The following PEX5L variants were observed in gnomAD, a reference collection of about 807,000 sequenced individuals.
PEX5L encodes PEX5-related protein.
A neutral mutation model predicts 84.0 loss-of-function variants in PEX5L; 30 were observed. The observed-to-expected ratio is 0.36, with a 90% CI of 0.27 to 0.48. The LOEUF is 0.48. PEX5L is among the 20% of genes least tolerant of loss of function. PEX5L has a pLI of 0.99. For synonymous variants in PEX5L, 270 were observed against 283.1 expected, an observed-to-expected ratio of 0.95 and a Z score of 0.46; for missense variants, 533 against 754.6, an observed-to-expected ratio of 0.71 and a Z score of 3.44.
intron 2 of PEX5L, among the ~76,000 whole-genome samples, chr3:179,929,011 C>A (rs1291912883): frequency 1.8e-4 from 27 of 152,162 alleles, no homozygotes; most frequent in Admixed American, 1.8e-3. Context: ...TCTTTTCTAA[C>A]TCTGTTAAGT....
chr3:179,827,215 T>C (rs2109055897), intron 8 of PEX5L, among the ~76,000 whole-genome samples: 1 of 152,240 alleles, frequency 6.6e-6, no homozygotes, highest in South Asian at 2.1e-4. Context: ...TAGAACACAA[T>C]GGGAATACCC....
intron 1 of PEX5L, among the ~76,000 whole-genome samples, chr3:179,976,468 C>T (rs1579198470): frequency 6.6e-6 from 1 of 151,940 alleles, no homozygotes; most frequent in Admixed American, 6.6e-5. Flanking sequence ...GAAGGAGTCT[C>T]GCTCTGTCGC....
At chr3:179,809,921 G>C (rs1299116691) in intron 11 of PEX5L, among the ~76,000 whole-genome samples, 2 of 150,290 alleles carry the variant, frequency 1.3e-5, no homozygotes, top group African/African-American at 4.9e-5. Context: ...AAACTATGTG[G>C]CTTATCCCTG....
chr3:180,025,101 G>T (rs1281096687), intron 1 of PEX5L, among the ~76,000 whole-genome samples: 1 of 152,104 alleles, frequency 6.6e-6, no homozygotes, highest in African/African-American at 2.4e-5. Flanking sequence ...AATTACAGTG[G>T]CAATCTAATT....
chr3:179,982,016 G>A (rs1397431921), intron 1 of PEX5L, among the ~76,000 whole-genome samples: 1 of 152,176 alleles, frequency 6.6e-6, no homozygotes, highest in East Asian at 1.9e-4. Flanking sequence ...AACCTAATGT[G>A]TTTTTAAGAG....
intron 1 of PEX5L, among the ~76,000 whole-genome samples, chr3:179,991,335 G>C (rs1355542810): frequency 1.3e-5 from 2 of 152,160 alleles, no homozygotes; most frequent in Non-Finnish European, 2.9e-5. Context: ...CAAGGCCAAG[G>C]TGACTATATC....
chr3:180,007,196 G>C (rs1038368317), intron 1 of PEX5L, among the ~76,000 whole-genome samples: 1 of 152,158 alleles, frequency 6.6e-6, no homozygotes, highest in African/African-American at 2.4e-5. Flanking sequence ...TGGCCAAAAC[G>C]AACGGGTAAC....
At chr3:180,011,105 A>T (rs944529396) in intron 1 of PEX5L, among the ~76,000 whole-genome samples, 1 of 152,206 alleles carries the variant, frequency 6.6e-6, no homozygotes, top group Non-Finnish European at 1.5e-5. Flanking sequence ...CCTTTCTATC[A>T]AAACTCTGTG....
chr3:179,875,564 C>A lies in PEX5L; in HGVS notation c.506-87G>T, dbSNP rs2302743. The A allele has an allele frequency of 2.1e-4, 182 of 847,662 alleles. No individual in the cohort carries two copies. The African/African-American group carries it at 2.8e-3, about 13-fold the overall frequency. The allele number at this position is 847,662 out of a possible 1,614,324, so 52.5% of individuals were successfully genotyped here. ...GGCGGGGAGTGGGGTGAGGGTGGAG[C>A]GTGTGGTGCAGAGGGAAAAAGATTA... On this transcript the variant is annotated intron_variant, in intron 5 of 14. Coordinates refer to ENST00000467460, the MANE Select transcript of PEX5L (RefSeq NM_016559.3).
At chr3:179,908,786 A>G (rs1231708898) in intron 2 of PEX5L, among the ~76,000 whole-genome samples, 1 of 152,136 alleles carries the variant, frequency 6.6e-6, no homozygotes, top group African/African-American at 2.4e-5. Flanking sequence ...TGTCCCTACA[A>G]AGGACGTGAA....
At chr3:179,873,347 A>G (rs1211795709) in intron 7 of PEX5L, among the ~76,000 whole-genome samples, 1 of 152,076 alleles carries the variant, frequency 6.6e-6, no homozygotes, top group Admixed American at 6.6e-5. Context: ...CTTGGTTTCA[A>G]CATCTAGTAA....
rs940360479 is a variant in PEX5L at position 179,808,371 on chromosome 3, G to A, written c.1419C>T (p.Asp473=). Residue 473 remains aspartate (D), a synonymous_variant, in exon 13 of 15, where the codon GAC becomes GAT. Transcript: ENST00000467460. ...CCCCTAGACCTGTCTGCAGGTCTGG[G>A]TCGATCATATCTCCATTTTGGTGGG... The part of the protein sequence containing the change: ...EAAHQNGDMI[D]PDLQTGLGVL... 7 of 1,596,558 alleles carry A rather than the reference G, an allele frequency of 4.4e-6. No homozygotes were observed. The highest frequency in any genetic ancestry group is 6.0e-6 in the Non-Finnish European group (7 of 1,172,276).
In PEX5L at chr3:179,795,413, G is replaced by A. The variant is rs902389618; in HGVS notation, c.*6415C>T. 1.3e-5 allele frequency: 2 copies of A among 152,162 alleles called. No individual in the cohort carries two copies. The highest frequency in any genetic ancestry group is 4.8e-5 in the African/African-American group (2 of 41,432). The allele number at this position is 152,162 out of a possible 1,614,324, so 9.4% of individuals were successfully genotyped here. On this transcript the variant is annotated 3_prime_UTR_variant, in exon 15 of 15. Coordinates refer to ENST00000467460, the MANE Select transcript of PEX5L (RefSeq NM_016559.3). ...TAAATTAAACACATCAATATGATAA[G>A]AGGTTATTTTTATGGTAGTAATTTT... is the stretch of plus-strand genomic sequence containing the variant.
chr3:179,970,323 C>T (rs1784407271), intron 2 of PEX5L, among the ~76,000 whole-genome samples: 1 of 152,032 alleles, frequency 6.6e-6, no homozygotes, highest in South Asian at 2.1e-4. Flanking sequence ...TGGGATCAGA[C>T]ATAGACTGCA....
At position 179,929,784 on chromosome 3, in the gene PEX5L, A is replaced by G. The variant is rs551019690; in HGVS notation, c.94-31538T>C. Among the ~76,000 whole-genome samples, 7 of 152,128 alleles carry G rather than the reference A, an allele frequency of 4.6e-5. No homozygotes were observed. In the South Asian group the frequency reaches 1.5e-3, roughly 32 times the overall value. On this transcript the variant is annotated intron_variant, in intron 2 of 14. Transcript: ENST00000467460. ...TGACATCTTTTCCCAAACCAATCAC[A>G]TCTCCAGTGTCAGTCACTCTGTCCC...
intron 10 of PEX5L, among the ~76,000 whole-genome samples, chr3:179,815,032 C>G (rs1366285301): frequency 6.6e-6 from 1 of 152,170 alleles, no homozygotes; most frequent in Non-Finnish European, 1.5e-5. Context: ...CTCTCAGCAT[C>G]CTGTGCACAC....
chr3:180,024,347 A>AATATATATATATATAT lies in PEX5L; in HGVS notation c.21+12216_21+12231dup, dbSNP rs148495757. On this transcript the variant is annotated intron_variant, in intron 1 of 14. Coordinates refer to ENST00000467460, the MANE Select transcript of PEX5L (RefSeq NM_016559.3). ...ACACTGTGAAACCCCGTCCCTACTA[A>AATATATATATATATAT]ATATATATATATATATATATATATA... Among the ~76,000 whole-genome samples, 186 of 107,614 alleles carry AATATATATATATATAT rather than the reference A, an allele frequency of 1.7e-3. 3 individuals are homozygous for AATATATATATATATAT. The highest frequency in any genetic ancestry group is 5.9e-3 in the African/African-American group (155 of 26,206). 70.6% of individuals were successfully genotyped at this position (107,614 alleles called of 152,430 possible). A position where few individuals can be genotyped will look rare whatever the true frequency, so the allele number is the denominator to read the frequency against.
intron 2 of PEX5L, among the ~76,000 whole-genome samples, chr3:179,968,161 C>G (rs1029033033): frequency 9.2e-5 from 14 of 152,082 alleles, no homozygotes; most frequent in Non-Finnish European, 1.6e-4. Flanking sequence ...ATTTATTAGT[C>G]TTTGTTACCT....
intron 1 of PEX5L, among the ~76,000 whole-genome samples, chr3:179,986,454 G>C (rs1271833549): frequency 6.9e-6 from 1 of 145,104 alleles, no homozygotes; most frequent in Admixed American, 7.1e-5. Context: ...CCAGGCTGGA[G>C]TGCAGTGGCG....
Sources: allele counts gnomAD v4.1 joint callset (sites outside exome capture counted in the v4.1 genomes callset), GRCh38; gene constraint gnomAD v4.1.1; transcripts MANE v1.5; gene names NCBI Gene and HGNC (gene_info 2026-07-23, HGNC 2026-07-21).